The following STARD13 variants were observed in gnomAD, a reference collection of about 807,000 sequenced individuals.
STARD13 encodes the protein StAR related lipid transfer domain containing 13, also known as stAR-related lipid transfer protein 13.
STARD13 carries 62 observed loss-of-function variants against 106.4 expected under a neutral mutation model. That is an observed-to-expected ratio of 0.58 (90% CI 0.48 to 0.72). STARD13 has a LOEUF of 0.72. Among genes scored for constraint, STARD13 ranks in the 30% least tolerant of loss-of-function variants. STARD13 has a pLI of 0.00. For synonymous variants in STARD13, 565 were observed against 553.0 expected, an observed-to-expected ratio of 1.02 and a Z score of -0.31; for missense variants, 1,387 against 1,424.0, an observed-to-expected ratio of 0.97 and a Z score of 0.42.
chr13:33,574,972 A>G, the STARD13 span, among the ~76,000 whole-genome samples: 3 of 138,908 alleles, frequency 2.2e-5, no homozygotes, highest in Admixed American at 1.6e-4. Context: ...GCTGGAGTGC[A>G]GAGGTGCAAT....
At chr13:33,539,196 T>A in the STARD13 span, among the ~76,000 whole-genome samples, 38,440 of 152,150 alleles carry the variant, frequency 0.25, 5,777 homozygotes, top group East Asian at 0.42. Flanking sequence ...TGAAATGTGT[T>A]GGAAGAAACT....
the STARD13 span, among the ~76,000 whole-genome samples, chr13:33,486,347 C>T: frequency 2.0e-5 from 3 of 152,078 alleles, no homozygotes; most frequent in East Asian, 3.9e-4. Flanking sequence ...AGTGGATGCC[C>T]GAAATTGTGC....
chr13:33,203,410 G>A (rs755785289), intron 1 of STARD13, among the ~76,000 whole-genome samples: 9 of 152,310 alleles, frequency 5.9e-5, no homozygotes, highest in African/African-American at 1.9e-4. Flanking sequence ...GTGGATGTGT[G>A]TGGGTATATG....
chr13:33,285,252 G>T lies in STARD13; in HGVS notation c.169+218C>A, dbSNP rs550403653. Among the ~76,000 whole-genome samples, 9 of 152,276 alleles carry T rather than the reference G, an allele frequency of 5.9e-5. No individual in the cohort carries two copies. The South Asian group carries it at 1.7e-3, about 28-fold the overall frequency. On this transcript the variant is annotated intron_variant, in intron 1 of 13. Transcript: ENST00000336934. ...TTATGATTCACTGTCCCACCGTGAAGTTTTTTGTGCACTTTATGTTGAGCT... is the reference window on the plus strand; with the variant it reads ...TTATGATTCACTGTCCCACCGTGAATTTTTTTGTGCACTTTATGTTGAGCT...
At position 33,249,565 on chromosome 13, in the gene STARD13, C is replaced by A. The variant is rs183525463; in HGVS notation, c.169+35905G>T. 4.1e-4 allele frequency among the ~76,000 whole-genome samples: 63 copies of A among 152,290 alleles called. No individual in the cohort carries two copies. The South Asian group carries it at 6.0e-3, about 15-fold the overall frequency. On this transcript the variant is annotated intron_variant, in intron 1 of 13. Coordinates refer to ENST00000336934, the MANE Select transcript of STARD13 (RefSeq NM_178006.4). ...AATTTGCCAATATTATTTCTAATCC[C>A]TGCAACAATCGTACAATGCAGATAT...
the STARD13 span, among the ~76,000 whole-genome samples, chr13:33,573,803 C>T: frequency 2.0e-5 from 3 of 152,158 alleles, no homozygotes; most frequent in Admixed American, 6.6e-5. Flanking sequence ...TTCATAGGAC[C>T]GTCTCGCTGG....
upstream of STARD13, among the ~76,000 whole-genome samples, chr13:33,286,404 C>T (rs1239451118): frequency 1.3e-5 from 2 of 152,170 alleles, no homozygotes; most frequent in Non-Finnish European, 2.9e-5. Flanking sequence ...GCATCCTTTC[C>T]TCTTTGATTT....
At chr13:33,350,552 G>C (rs962350279) in exon 1 of STARD13, 2 of 1,427,410 alleles carry the variant, frequency 1.4e-6, no homozygotes, top group African/African-American at 1.5e-5. Context: ...GCGCGACATG[G>C]GTCGGTCCGG....
the STARD13 span, among the ~76,000 whole-genome samples, chr13:33,494,281 C>A: frequency 1.3e-5 from 2 of 152,146 alleles, no homozygotes; most frequent in Non-Finnish European, 2.9e-5. Flanking sequence ...CCACCCGGGG[C>A]ACTTATTGCC....
intron 1 of STARD13, among the ~76,000 whole-genome samples, chr13:33,208,134 A>G (rs1191993510): frequency 6.6e-6 from 1 of 152,230 alleles, no homozygotes; most frequent in Non-Finnish European, 1.5e-5. Context: ...TAGCCACTTC[A>G]GAGGATGTGT....
At chr13:33,453,278 C>T in the STARD13 span, among the ~76,000 whole-genome samples, 2 of 152,166 alleles carry the variant, frequency 1.3e-5, no homozygotes, top group Admixed American at 6.5e-5. Flanking sequence ...AGCCTCATGC[C>T]TCTTGGTCCC....
At chr13:33,554,693 A>G in the STARD13 span, among the ~76,000 whole-genome samples, 1 of 152,078 alleles carries the variant, frequency 6.6e-6, no homozygotes, top group African/African-American at 2.4e-5. Context: ...TTTCATATCC[A>G]CTCAATATGC....
At chr13:33,364,131 C>T in the STARD13 span, among the ~76,000 whole-genome samples, 2 of 151,936 alleles carry the variant, frequency 1.3e-5, no homozygotes, top group African/African-American at 4.8e-5. Context: ...ACCCCCAAAT[C>T]TACAGTTTAC....
chr13:33,409,968 T>A, the STARD13 span, among the ~76,000 whole-genome samples: 2 of 152,348 alleles, frequency 1.3e-5, no homozygotes, highest in South Asian at 2.1e-4. Context: ...ATTTTTCCTG[T>A]CTTTGTTCTT....
At chr13:33,379,561 C>G in the STARD13 span, among the ~76,000 whole-genome samples, 11 of 152,136 alleles carry the variant, frequency 7.2e-5, no homozygotes, top group African/African-American at 2.7e-4. Context: ...TGCCTGTTCT[C>G]TCACTGGGAA....
chr13:33,165,832 A>T (rs1341971150), intron 2 of STARD13, among the ~76,000 whole-genome samples: 3 of 152,234 alleles, frequency 2.0e-5, no homozygotes, highest in Non-Finnish European at 4.4e-5. Context: ...GGAAATTTCC[A>T]AAAATACCCA....
chr13:33,193,961 T>C (rs1216964058), intron 1 of STARD13, among the ~76,000 whole-genome samples: 1 of 152,124 alleles, frequency 6.6e-6, no homozygotes, highest in East Asian at 1.9e-4. Context: ...TTTTTTCTTT[T>C]AGAGTTGAAA....
At chr13:33,651,845 G>A in the STARD13 span, among the ~76,000 whole-genome samples, 2 of 152,188 alleles carry the variant, frequency 1.3e-5, no homozygotes, top group Admixed American at 6.5e-5. Flanking sequence ...AAGTAGAGAG[G>A]AAATGAGAAT....
intron 3 of STARD13, among the ~76,000 whole-genome samples, chr13:33,153,355 A>C (rs977363225): frequency 5.3e-5 from 8 of 152,230 alleles, no homozygotes; most frequent in Admixed American, 1.3e-4. Context: ...AGCTGTGCAC[A>C]GACTGCCTGG....
Sources: allele counts gnomAD v4.1 joint callset (sites outside exome capture counted in the v4.1 genomes callset), GRCh38; gene constraint gnomAD v4.1.1; transcripts MANE v1.5; gene names NCBI Gene and HGNC (gene_info 2026-07-23, HGNC 2026-07-21).